KATNIP: variants seen among roughly 807,000 people sequenced by gnomAD.
The protein encoded by KATNIP is katanin-interacting protein.
Under a neutral mutation model 174.0 loss-of-function variants are expected in KATNIP, and 126 were observed. The ratio of observed to expected loss-of-function variants is 0.72; its 90% CI spans 0.63 to 0.84. The LOEUF is 0.84. Ranked by LOEUF, KATNIP falls within the 40% of genes least tolerant of loss-of-function variation. The probability of loss-of-function intolerance (pLI) is 0.00; values close to 1 mark genes in which losing one functional copy is unlikely to be tolerated. For missense variants in KATNIP, 1,958 were observed against 2,109.7 expected (o/e 0.93, Z 1.41); for synonymous variants, 810 against 835.7 (o/e 0.97, Z 0.53).
chr16:27,676,526 C>T (rs1269402675), intron 6 of KATNIP, among the ~76,000 whole-genome samples: 2 of 152,170 alleles, frequency 1.3e-5, no homozygotes, highest in Non-Finnish European at 2.9e-5. Context: ...CAGCCTACTG[C>T]AATAACTATT....
chr16:27,630,791 G>A (rs1055324661), intron 4 of KATNIP, among the ~76,000 whole-genome samples: 11 of 152,174 alleles, frequency 7.2e-5, no homozygotes, highest in African/African-American at 2.7e-4. Flanking sequence ...ACTCTTCTCT[G>A]TATATACAGA....
intron 14 of KATNIP, chr16:27,727,215 GTC>G (rs1245153650): frequency 1.3e-5 from 3 of 232,226 alleles, no homozygotes; most frequent in South Asian, 4.7e-5. Flanking sequence ...TTTCTAGACA[GTC>G]TCTCTCTGCT....
intron 16 of KATNIP, among the ~76,000 whole-genome samples, 199 bp from the exon 17 acceptor site, chr16:27,751,520 C>T (rs2081516955): frequency 6.6e-6 from 1 of 152,188 alleles, no homozygotes; most frequent in South Asian, 2.1e-4. Flanking sequence ...AATTAGATCC[C>T]TTCCTTAGAT....
chr16:27,761,751 C>T (rs918787706), intron 19 of KATNIP, among the ~76,000 whole-genome samples, 161 bp downstream of exon 19: 4 of 152,150 alleles, frequency 2.6e-5, no homozygotes, highest in Admixed American at 2.6e-4. Context: ...GCTCAGGAAA[C>T]CAAGGCTCAG....
intron 21 of KATNIP, 130 bp downstream of exon 21, chr16:27,770,148 C>A: frequency 1.8e-6 from 2 of 1,096,126 alleles, no homozygotes; most frequent in Non-Finnish European, 2.6e-6. Flanking sequence ...TCAACTTAGT[C>A]ATTTTCTAAA....
chr16:27,570,306 G>A (rs1345851255), intron 1 of KATNIP, among the ~76,000 whole-genome samples: 1 of 152,114 alleles, frequency 6.6e-6, no homozygotes, highest in South Asian at 2.1e-4. Context: ...GCTCACTCCT[G>A]TAATCCCAGC....
At chr16:27,561,618 C>T (rs1354532650) in intron 1 of KATNIP, among the ~76,000 whole-genome samples, 3 of 152,278 alleles carry the variant, frequency 2.0e-5, no homozygotes, top group Non-Finnish European at 2.9e-5. Context: ...GAAGTCAGAG[C>T]GCTACAGATA....
chr16:27,648,772 A>C (rs928788617), intron 6 of KATNIP, 37 bp downstream of exon 6: 3 of 1,601,816 alleles, frequency 1.9e-6, no homozygotes, highest in South Asian at 2.2e-5. Context: ...GGGACACCTG[A>C]AGGACGGCGA....
At chr16:27,706,456 G>T (rs983454383) in intron 12 of KATNIP, among the ~76,000 whole-genome samples, 1 of 152,098 alleles carries the variant, frequency 6.6e-6, no homozygotes, top group Non-Finnish European at 1.5e-5. Context: ...GAAAAGAGAC[G>T]CCGTGGCTTT....
At chr16:27,778,039 G>T in intron 27 of KATNIP, 70 bp downstream of exon 27, 1 of 1,411,118 alleles carries the variant, frequency 7.1e-7, no homozygotes, top group Non-Finnish European at 9.9e-7. Context: ...GGAGCTGGTG[G>T]CCTTGCACCC....
At chr16:27,584,498 A>ACAATTG (rs1234057334) in intron 2 of KATNIP, among the ~76,000 whole-genome samples, 16 of 152,282 alleles carry the variant, frequency 1.1e-4, no homozygotes, top group African/African-American at 3.8e-4. Context: ...ACAATTGTTA[A>ACAATTG]AAATTATATT....
At chr16:27,769,450 T>C (rs2082224650) in intron 20 of KATNIP, among the ~76,000 whole-genome samples, 1 of 152,226 alleles carries the variant, frequency 6.6e-6, no homozygotes, top group Non-Finnish European at 1.5e-5. Context: ...GGTTAACTCA[T>C]GACCGTGCCC....
chr16:27,607,726 T>A (rs115545490), intron 2 of KATNIP, among the ~76,000 whole-genome samples: 2 of 150,784 alleles, frequency 1.3e-5, no homozygotes, highest in Non-Finnish European at 2.9e-5. Flanking sequence ...GCCTCCTGAA[T>A]AGATGGGATT....
intron 8 of KATNIP, among the ~76,000 whole-genome samples, chr16:27,688,248 G>A (rs187241558): frequency 1.1e-4 from 17 of 151,890 alleles, no homozygotes; most frequent in Admixed American, 7.9e-4. Context: ...CAGCCTGGGC[G>A]GTGTAGTGAG....
intron 15 of KATNIP, among the ~76,000 whole-genome samples, chr16:27,745,887 CAGAG>C (rs1390762684): frequency 5.3e-5 from 8 of 150,904 alleles, no homozygotes; most frequent in Non-Finnish European, 1.2e-4. Context: ...AGTCTGCAGA[CAGAG>C]AGGTCCGTGG....
In KATNIP at chr16:27,779,745, G is replaced by A. The variant is rs748770062; in HGVS notation, c.*1116G>A. 5.9e-5 allele frequency: 9 copies of A among 151,758 alleles called. No homozygotes were observed. Among genetic ancestry groups the A allele is most frequent in the South Asian group, 2.1e-4 (1 of 4,824 alleles). 9.4% of individuals were successfully genotyped at this position (151,758 alleles called of 1,614,324 possible). The stretch of plus-strand genomic sequence containing the variant: ...AGCCCAGAACGCATCTATATGCATC[G>A]ATGTAACAAGCTCGGATCAGGGACC... On this transcript the variant is annotated 3_prime_UTR_variant, in exon 28 of 28. Transcript: ENST00000261588.
chr16:27,778,875 C>T lies in KATNIP; in HGVS notation c.*246C>T, dbSNP rs532085950. ...TTGGCCACAGGGAGCCCAGGACACC[C>T]GCCTTCATGCCTCTGCTGTGAGACC... On this transcript the variant is annotated 3_prime_UTR_variant, in exon 28 of 28. Coordinates refer to ENST00000261588, the MANE Select transcript of KATNIP (RefSeq NM_015202.5). 19 of 454,880 alleles carry T rather than the reference C, an allele frequency of 4.2e-5. No individual in the cohort carries two copies. The highest frequency in any genetic ancestry group is 1.5e-4 in the Admixed American group (4 of 25,960). 28.2% of individuals were successfully genotyped at this position (454,880 alleles called of 1,614,324 possible). A position where few individuals can be genotyped will look rare whatever the true frequency, so the allele number is the denominator to read the frequency against.
At chr16:27,754,109 A>C in intron 17 of KATNIP, 64 bp from the exon 18 acceptor site, 15 of 1,270,772 alleles carry the variant, frequency 1.2e-5, no homozygotes, top group Non-Finnish European at 1.6e-5. Context: ...ACAGCCAGCC[A>C]GCTAGCTGTG....
In KATNIP at chr16:27,737,550, G is replaced by A. The variant is rs184699479; in HGVS notation, c.1744-2491G>A. 1.1e-3 allele frequency among the ~76,000 whole-genome samples: 169 copies of A among 152,260 alleles called. 2 individuals carry two copies. Among genetic ancestry groups the A allele is most frequent in the African/African-American group, 3.9e-3 (164 of 41,546 alleles). ...TGAATGAGACCACCTGGAGAGCAAG[G>A]GAAGAGCACTCGGGAGGCCTAGGAC... On this transcript the variant is annotated intron_variant, in intron 14 of 27. Transcript: ENST00000261588.
Sources: allele counts gnomAD v4.1 joint callset (sites outside exome capture counted in the v4.1 genomes callset), GRCh38; gene constraint gnomAD v4.1.1; transcripts MANE v1.5; gene names NCBI Gene and HGNC (gene_info 2026-07-23, HGNC 2026-07-21).